Variants in C1orf141 observed in about 807,000 individuals in gnomAD.
C1orf141 encodes the protein chromosome 1 open reading frame 141, also known as uncharacterized protein C1orf141.
C1orf141 carries 19 observed loss-of-function variants against 23.2 expected under a neutral mutation model. That is an observed-to-expected ratio of 0.82 (90% CI 0.57 to 1.20). The LOEUF is 1.20. Among genes scored for constraint, C1orf141 ranks in the 50% most tolerant of loss-of-function variants. The pLI is 0.00. For missense variants in C1orf141, 469 were observed against 455.1 expected, an observed-to-expected ratio of 1.03 and a Z score of -0.28; for synonymous variants, 153 against 154.6, an observed-to-expected ratio of 0.99 and a Z score of 0.08.
intron 4 of C1orf141, among the ~76,000 whole-genome samples, chr1:67,117,427 G>T (rs1048913628): frequency 6.7e-6 from 1 of 149,940 alleles, no homozygotes; most frequent in Non-Finnish European, 1.5e-5. Flanking sequence ...TGTCTCGAAA[G>T]AAAAAAAAAA....
At chr1:67,137,127 C>T (rs905062223), upstream of C1orf141, among the ~76,000 whole-genome samples, 12 of 152,152 alleles carry the variant, frequency 7.9e-5, no homozygotes, top group African/African-American at 2.9e-4. Flanking sequence ...GCACATTCCC[C>T]AAAACTGCCC....
chr1:67,118,723 G>C (rs1295375883), intron 4 of C1orf141, among the ~76,000 whole-genome samples: 1 of 152,182 alleles, frequency 6.6e-6, no homozygotes, highest in Non-Finnish European at 1.5e-5. Context: ...AAAAGGATTT[G>C]TGTTCTTCTA....
chr1:67,109,356 A>T (rs1012955231), intron 5 of C1orf141, among the ~76,000 whole-genome samples: 5 of 147,654 alleles, frequency 3.4e-5, no homozygotes, highest in Non-Finnish European at 3.0e-5. Flanking sequence ...AAAAAAAAAA[A>T]GGAATAAGGA....
At chr1:67,100,838 G>A (rs1403475533) in intron 5 of C1orf141, among the ~76,000 whole-genome samples, 2 of 152,102 alleles carry the variant, frequency 1.3e-5, no homozygotes, top group South Asian at 2.1e-4. Context: ...CTTATATTAT[G>A]AGTTCAGGCA....
At chr1:67,102,798 A>T (rs1645834552) in intron 5 of C1orf141, 1 of 152,288 alleles carries the variant, frequency 6.6e-6, no homozygotes, top group South Asian at 2.1e-4. Flanking sequence ...ATATCTGATG[A>T]CATTATAAAG....
chr1:67,126,722 G>A (rs1254775471), intron 3 of C1orf141, among the ~76,000 whole-genome samples: 2 of 152,190 alleles, frequency 1.3e-5, no homozygotes, highest in African/African-American at 4.8e-5. Flanking sequence ...TCAGGGCTGA[G>A]GTGCAGGGAG....
intron 1 of C1orf141, among the ~76,000 whole-genome samples, chr1:67,141,533 G>T (rs1311820906): frequency 5.3e-5 from 8 of 152,094 alleles, no homozygotes; most frequent in African/African-American, 1.9e-4. Flanking sequence ...TGAGGTGGGA[G>T]GATCATTTGA....
chr1:67,132,632 C>T (rs1397290320), intron 1 of C1orf141, among the ~76,000 whole-genome samples: 1 of 152,116 alleles, frequency 6.6e-6, no homozygotes, highest in Admixed American at 6.5e-5. Context: ...TCAGGCAAAG[C>T]GTTTTACATC....
chr1:67,105,853 A>G (rs902537770), intron 5 of C1orf141, among the ~76,000 whole-genome samples: 6 of 152,166 alleles, frequency 3.9e-5, no homozygotes, highest in African/African-American at 1.2e-4. Context: ...TGCTAGAAAA[A>G]CCACGTTGTT....
At chr1:67,111,289 G>C (rs1646066205) in intron 5 of C1orf141, among the ~76,000 whole-genome samples, 1 of 152,036 alleles carries the variant, frequency 6.6e-6, no homozygotes, top group Non-Finnish European at 1.5e-5. Context: ...AGTTTTACAT[G>C]TATGTTTTTT....
rs1306305189 is a variant in C1orf141, at chr1:67,092,783, AG to A, written c.*221del. ...TTGAGATAATAGAAAGTCATGAACT[AG>A]ATCCTCTTGGTGATAATTATTTCCT... is the stretch of plus-strand genomic sequence containing the variant. On this transcript the variant is annotated 3_prime_UTR_variant, in exon 8 of 8. Transcript: ENST00000684719. The A allele has an allele frequency of 5.7e-6, 2 of 353,248 alleles. No homozygotes were observed. Among genetic ancestry groups the A allele is most frequent in the Non-Finnish European group, 1.0e-5 (2 of 194,484 alleles). The allele number at this position is 353,248 out of a possible 1,614,324, so 21.9% of individuals were successfully genotyped here. A position where few individuals can be genotyped will look rare whatever the true frequency, so the allele number is the denominator to read the frequency against.
At chr1:67,114,184 A>T (rs1032397971) in intron 5 of C1orf141, among the ~76,000 whole-genome samples, 1 of 152,162 alleles carries the variant, frequency 6.6e-6, no homozygotes, top group Non-Finnish European at 1.5e-5. Flanking sequence ...CTTAGGGTGA[A>T]CTAGAATAGT....
Position 67,093,533 on chromosome 1 carries a change from A to T in C1orf141, c.675T>A (p.Asn225Lys). The change falls in exon 8 of 8, where the codon AAT (asparagine) becomes AAA (lysine). Residue 225 changes from asparagine (N) to lysine (K), a missense_variant. Physicochemically the swap from Asn to Lys is moderately conservative, Grantham distance 94 (BLOSUM62 0). Transcript: ENST00000684719. ...TTTCCAAAGGATGAGAAGAAAATCT[A>T]TTTTTTGTCAAAAGTAACATTCGTA... ...EYVRMLLLTK[N>K]RFSSHPLENE... is the part of the protein sequence containing the mutation. The T allele has an allele frequency of 6.2e-7, 1 of 1,605,170 alleles. No homozygotes were observed. Among genetic ancestry groups the T allele is most frequent in the South Asian group, 1.1e-5 (1 of 89,782 alleles).
Position 67,115,377 on chromosome 1 carries a change from T to A in C1orf141, c.321A>T (p.Val107=). 1 of 1,340,258 alleles carries A rather than the reference T, an allele frequency of 7.5e-7. No homozygotes were observed. Among genetic ancestry groups the A allele is most frequent in the Non-Finnish European group, 1.1e-6 (1 of 945,576 alleles). The allele number at this position is 1,340,258 out of a possible 1,614,324, so 83.0% of individuals were successfully genotyped here. ...CTGTTGACTCACTTTCTTTATTTTT[T>A]ACATTTGTTTGAATAAAGAATGGTC... ...NLRPFFIQTN[V]KNKESESTAQ... Residue 107 remains valine, a synonymous_variant, in exon 5 of 8, where the codon GTA becomes GTT. Coordinates refer to ENST00000684719, the MANE Select transcript of C1orf141 (RefSeq NM_001276351.2).
chr1:67,141,510 C>G (rs1299465685), intron 1 of C1orf141, among the ~76,000 whole-genome samples: 4 of 152,094 alleles, frequency 2.6e-5, no homozygotes, highest in African/African-American at 9.7e-5. Flanking sequence ...ATAATCCCAG[C>G]ACTTTGGTAA....
chr1:67,105,545 A>C (rs1041194928), intron 5 of C1orf141, among the ~76,000 whole-genome samples: 3 of 152,070 alleles, frequency 2.0e-5, no homozygotes, highest in Admixed American at 6.6e-5. Flanking sequence ...TTCTGATTCA[A>C]CGTAGCTGAG....
chr1:67,126,774 G>A (rs577360592), intron 3 of C1orf141, among the ~76,000 whole-genome samples: 17 of 152,294 alleles, frequency 1.1e-4, no homozygotes, highest in South Asian at 2.1e-4. Context: ...CAAATCTTGC[G>A]GCTTTGATCT....
intron 5 of C1orf141, among the ~76,000 whole-genome samples, chr1:67,107,640 G>A (rs574544109): frequency 8.5e-4 from 130 of 152,300 alleles, no homozygotes; most frequent in Non-Finnish European, 1.6e-3. Context: ...TGTAATCCCC[G>A]CACTTTGGGA....
intron 5 of C1orf141, among the ~76,000 whole-genome samples, chr1:67,107,208 G>A (rs1645948003): frequency 6.6e-6 from 1 of 151,484 alleles, no homozygotes; most frequent in African/African-American, 2.4e-5. Context: ...AATCTATACG[G>A]AAACCACTAA....
Sources: allele counts gnomAD v4.1 joint callset (sites outside exome capture counted in the v4.1 genomes callset), GRCh38; gene constraint gnomAD v4.1.1; transcripts MANE v1.5; gene names NCBI Gene and HGNC (gene_info 2026-07-23, HGNC 2026-07-21).